DST: variants seen among roughly 807,000 people sequenced by gnomAD.
DST encodes bullous pemphigoid antigen.
DST carries 253 observed loss-of-function variants against 875.2 expected under a neutral mutation model. The observed-to-expected ratio is 0.29, with a 90% CI of 0.26 to 0.32. DST has a LOEUF of 0.32. Ranked by LOEUF, DST falls within the 10% of genes least tolerant of loss-of-function variation. DST has a pLI of 1.00. For synonymous variants in DST, 3,124 were observed against 3,197.1 expected, an observed-to-expected ratio of 0.98 and a Z score of 0.77; for missense variants, 8,287 against 9,111.6, an observed-to-expected ratio of 0.91 and a Z score of 3.68.
chr6:56,746,382 T>G, intron 4 of DST, among the ~76,000 whole-genome samples: 1 of 152,186 alleles, frequency 6.6e-6, no homozygotes. Context: ...AAACAAATAC[T>G]TGCTTATATA....
chr6:56,759,779 T>C (rs1423691407), intron 4 of DST, among the ~76,000 whole-genome samples: 1 of 152,162 alleles, frequency 6.6e-6, no homozygotes, highest in Non-Finnish European at 1.5e-5. Flanking sequence ...TGAATCTGAC[T>C]GGATGTGTCC....
chr6:56,478,723 A>G (rs2095298935), intron 90 of DST, among the ~76,000 whole-genome samples: 1 of 152,190 alleles, frequency 6.6e-6, no homozygotes, highest in African/African-American at 2.4e-5. Context: ...ACTTGATTAC[A>G]CAATGAGTGC....
In DST at chr6:56,474,213, G is replaced by A. The variant is rs1562225348; in HGVS notation, c.21865-211C>T. On this transcript the variant is annotated intron_variant, in intron 92 of 103. Transcript: ENST00000680361. Reference sequence around the variant, plus strand: ...AGAATATAAAATGTGGCCAGGTGCAGTGGCTCATGCCTGTAATCCCAGCAC... The same window carrying A: ...AGAATATAAAATGTGGCCAGGTGCAATGGCTCATGCCTGTAATCCCAGCAC... The A allele has an allele frequency of 7.2e-6, 3 of 418,002 alleles. No individual in the cohort carries two copies. In the South Asian group the frequency reaches 7.3e-5, roughly 10 times the overall value. 25.9% of individuals were successfully genotyped at this position (418,002 alleles called of 1,614,324 possible). A position where few individuals can be genotyped will look rare whatever the true frequency, so the allele number is the denominator to read the frequency against.
chr6:56,815,752 G>A (rs1392962661), intron 4 of DST, among the ~76,000 whole-genome samples: 1 of 151,844 alleles, frequency 6.6e-6, no homozygotes, highest in Non-Finnish European at 1.5e-5. Flanking sequence ...GTAAACATCT[G>A]GTTTCCCACT....
In DST at chr6:56,465,729, T is replaced by C. The variant is rs374888642; in HGVS notation, c.22687+349A>G. 9.7e-4 allele frequency among the ~76,000 whole-genome samples: 148 copies of C among 152,222 alleles called. 2 individuals carry two copies. Among genetic ancestry groups the C allele is most frequent in the African/African-American group, 3.4e-3 (142 of 41,566 alleles). ...CGGTCTTCATCACCTCAATTTTCTT[T>C]TCTCTTACTTTGCTATGTCATAACA... On this transcript the variant is annotated intron_variant, in intron 99 of 103. Coordinates refer to ENST00000680361, the MANE Select transcript of DST (RefSeq NM_001374736.1).
At chr6:56,915,908 T>A (rs1193998651) in intron 2 of DST, among the ~76,000 whole-genome samples, 1 of 152,256 alleles carries the variant, frequency 6.6e-6, no homozygotes, top group Non-Finnish European at 1.5e-5. Flanking sequence ...TCTCCAGTAA[T>A]ATCTTTGTCT....
chr6:56,509,861 T>C lies in DST; in HGVS notation c.18793A>G (p.Ile6265Val), dbSNP rs1464388557. Residue 6265 changes from isoleucine (I) to valine (V), a missense_variant, in exon 74 of 104, where the codon ATA becomes GTA. By Grantham distance (29) the Ile-to-Val change is conservative. Coordinates refer to ENST00000680361, the MANE Select transcript of DST (RefSeq NM_001374736.1). ...TCCAGGCTCTCAAGGATCTGATCTA[T>C]CTTGTCATGGAACTAGGGGCAAAAC... ...ISQSTQFHDK[I>V]DQILESLERI... 2.5e-6 allele frequency: 4 copies of C among 1,604,942 alleles called. No individual in the cohort carries two copies. The highest frequency in any genetic ancestry group is 2.6e-6 in the Non-Finnish European group (3 of 1,174,856).
chr6:56,743,196 C>G (rs2099553905), intron 4 of DST, among the ~76,000 whole-genome samples: 1 of 152,066 alleles, frequency 6.6e-6, no homozygotes, highest in African/African-American at 2.4e-5. Flanking sequence ...CTATCTTTGG[C>G]ATTCTTATGC....
intron 75 of DST, among the ~76,000 whole-genome samples, chr6:56,507,370 C>A (rs144932753): frequency 0.016 from 2,442 of 152,246 alleles, 62 homozygotes; most frequent in African/African-American, 0.055. Flanking sequence ...CTAAACCAGG[C>A]ACTGGGGATA....
intron 36 of DST, chr6:56,620,220 TA>T (rs1460490785): frequency 1.2e-6 from 2 of 1,613,894 alleles, no homozygotes; most frequent in Non-Finnish European, 1.7e-6. Flanking sequence ...TCCATTAATT[TA>T]TTTTTTTGTT....
chr6:56,474,851 C>T (rs994061433), intron 92 of DST, among the ~76,000 whole-genome samples: 4 of 148,720 alleles, frequency 2.7e-5, no homozygotes, highest in Non-Finnish European at 4.4e-5. Flanking sequence ...CCCAGCTACA[C>T]AGGAGGCTGA....
rs1380536010 is a variant in DST at position 56,610,448 on chromosome 6, TC to T, written c.5261del (p.Gly1754GlufsTer3). On this transcript the variant is annotated frameshift_variant, in exon 39 of 104. Transcript: ENST00000680361. LOFTEE classifies it high-confidence loss of function. ...LKQLQESQTS[G>X]DVKVEEKLDK... Reference sequence around the variant, plus strand: ...TTACCTTCTCCTCTACCTTTACATCTCCTGAGGTTTGTGATTCTTGTAGCTG... The same window carrying T: ...TTACCTTCTCCTCTACCTTTACATCTCTGAGGTTTGTGATTCTTGTAGCTG... The T allele has an allele frequency of 6.4e-7, 1 of 1,563,486 alleles. No individual in the cohort carries two copies. Among genetic ancestry groups the T allele is most frequent in the Non-Finnish European group, 8.7e-7 (1 of 1,152,644 alleles).
At chr6:56,680,462 C>A (rs1441270092) in intron 9 of DST, among the ~76,000 whole-genome samples, 1 of 152,210 alleles carries the variant, frequency 6.6e-6, no homozygotes, top group Non-Finnish European at 1.5e-5. Context: ...GGTTATACAA[C>A]CATCCTCATG....
Position 56,735,251 on chromosome 6 carries a change from AT to A in DST, c.663del (p.Lys221AsnfsTer3). The A allele has an allele frequency of 6.4e-7, 1 of 1,551,864 alleles. No individual in the cohort carries two copies. Among genetic ancestry groups the A allele is most frequent in the East Asian group, 2.4e-5 (1 of 41,552 alleles). ...ACCTTCATGAGATGCTGATTTATCC[AT>A]TTTGTAAATGTTTTCTTCTGAACTT... ...RDKVQKKTFT[K>X]WINQHLMKVR... On this transcript the variant is annotated frameshift_variant, in exon 5 of 104. Transcript: ENST00000680361. LOFTEE classifies it high-confidence loss of function.
intron 61 of DST, among the ~76,000 whole-genome samples, chr6:56,545,508 T>C (rs1714643002): frequency 6.6e-6 from 1 of 151,806 alleles, no homozygotes; most frequent in African/African-American, 2.4e-5. Flanking sequence ...CAACTACTAA[T>C]TGAATTATAA....
intron 2 of DST, among the ~76,000 whole-genome samples, chr6:56,949,376 T>C (rs748860840): frequency 6.6e-6 from 1 of 152,234 alleles, no homozygotes; most frequent in Non-Finnish European, 1.5e-5. Flanking sequence ...TTTTTACATA[T>C]GTATTGGCTG....
intron 55 of DST, among the ~76,000 whole-genome samples, chr6:56,564,403 G>A (rs1039319230): frequency 6.6e-6 from 1 of 152,176 alleles, no homozygotes; most frequent in Non-Finnish European, 1.5e-5. Flanking sequence ...GAATGCTTGT[G>A]ATTTTTGCAC....
At position 56,631,307 on chromosome 6, in the gene DST, G is replaced by A. The variant is rs150656535; in HGVS notation, c.4046C>T (p.Ala1349Val). 519 of 1,613,978 alleles carry A rather than the reference G, an allele frequency of 3.2e-4. No homozygotes were observed. Among genetic ancestry groups the A allele is most frequent in the Non-Finnish European group, 4.0e-4 (468 of 1,179,938 alleles). Residue 1349 changes from alanine to valine, a missense_variant, in exon 30 of 104, where the codon GCA becomes GTA. Physicochemically the swap from Ala to Val is moderately conservative, Grantham distance 64. Coordinates refer to ENST00000680361, the MANE Select transcript of DST (RefSeq NM_001374736.1). ...TAGGGTAGGGACTGATGAAGAGGCT[G>A]CTGCTTGACTGAAAAACTCCTCACA... ...NKCEEFFSQA[A>V]ASSSVPTLRS... is the part of the protein sequence containing the mutation.
In DST at chr6:56,608,100, G is replaced by A. The variant is rs2098514061; in HGVS notation, c.6528C>T (p.Tyr2176=). The change falls in exon 40 of 104, where the codon TAC becomes TAT. Residue 2176 remains tyrosine, a synonymous_variant. Coordinates refer to ENST00000680361, the MANE Select transcript of DST (RefSeq NM_001374736.1). ...CATCAAAAACATCCTCTTCTTGTCTGTAATCATGAACTGTGGAGGGTTGAA... is the reference window on the plus strand; with the variant it reads ...CATCAAAAACATCCTCTTCTTGTCTATAATCATGAACTGTGGAGGGTTGAA... ...CKFQPSTVHD[Y]RQEEDVFDGE... The A allele has an allele frequency of 6.2e-7, 1 of 1,613,666 alleles. No homozygotes were observed. Among genetic ancestry groups the A allele is most frequent in the East Asian group, 2.2e-5 (1 of 44,874 alleles).
Sources: allele counts gnomAD v4.1 joint callset (sites outside exome capture counted in the v4.1 genomes callset), GRCh38; gene constraint gnomAD v4.1.1; transcripts MANE v1.5; gene names NCBI Gene and HGNC (gene_info 2026-07-23, HGNC 2026-07-21).